WDR7: variants seen among roughly 807,000 people sequenced by gnomAD.
WDR7 encodes WD repeat-containing protein 7.
A neutral mutation model predicts 169.4 loss-of-function variants in WDR7; 46 were observed. The observed-to-expected ratio is 0.27, with a 90% CI of 0.21 to 0.35. The LOEUF is 0.35. WDR7 is among the 10% of genes least tolerant of loss of function. WDR7 has a pLI of 1.00. For synonymous variants in WDR7, 612 were observed against 666.8 expected, an observed-to-expected ratio of 0.92 and a Z score of 1.27; for missense variants, 1,534 against 1,859.3, an observed-to-expected ratio of 0.83 and a Z score of 3.22.
At chr18:56,883,826 G>A (rs1240589516) in intron 21 of WDR7, among the ~76,000 whole-genome samples, 4 of 152,094 alleles carry the variant, frequency 2.6e-5, no homozygotes. Flanking sequence ...CCAGATTTCT[G>A]TAAATGCCAA....
intron 7 of WDR7, among the ~76,000 whole-genome samples, chr18:56,689,658 AC>A (rs531118782): frequency 6.6e-6 from 1 of 151,092 alleles, no homozygotes; most frequent in Admixed American, 6.6e-5. Context: ...TGTCAGATGG[AC>A]CCCCCCAGTT....
Position 56,731,573 on chromosome 18 carries a change from C to A in WDR7, c.1965C>A (p.Leu655=), listed in dbSNP as rs756721684. The change falls in exon 14 of 28, where the codon CTC becomes CTA. Residue 655 remains leucine, a synonymous_variant. Coordinates refer to ENST00000254442, the MANE Select transcript of WDR7 (RefSeq NM_015285.3). The part of the protein sequence containing the change: ...HHKLQTLATN[L]LASEASDKGN... Reference sequence around the variant, plus strand: ...AGCTACAAACCCTTGCAACTAACCTCTTGGCTTCTGAGGCATCTGACAAGG... The same window carrying A: ...AGCTACAAACCCTTGCAACTAACCTATTGGCTTCTGAGGCATCTGACAAGG... 7 of 1,613,988 alleles carry A rather than the reference C, an allele frequency of 4.3e-6. No individual in the cohort carries two copies. In the South Asian group the frequency reaches 7.7e-5, roughly 18 times the overall value.
At chr18:57,022,558 T>C (rs2048307191) in intron 27 of WDR7, among the ~76,000 whole-genome samples, 1 of 152,352 alleles carries the variant, frequency 6.6e-6, no homozygotes, top group Middle Eastern at 3.4e-3. Context: ...AAGAAATACC[T>C]CACATATTAG....
intron 26 of WDR7, among the ~76,000 whole-genome samples, chr18:57,017,466 T>C (rs528498149): frequency 6.9e-6 from 1 of 144,272 alleles, no homozygotes; most frequent in East Asian, 2.1e-4. Context: ...GCTGTTCTTA[T>C]CCAAGTCATG....
At chr18:56,680,574 C>G (rs2025333364) in intron 3 of WDR7, among the ~76,000 whole-genome samples, 1 of 152,126 alleles carries the variant, frequency 6.6e-6, no homozygotes, top group South Asian at 2.1e-4. Context: ...TTAAAGAAAA[C>G]TCTAATAATA....
rs950004369 is a variant in WDR7 at position 56,697,386 on chromosome 18, G to A, written c.1578+924G>A. On this transcript the variant is annotated intron_variant, in intron 12 of 27. Coordinates refer to ENST00000254442, the MANE Select transcript of WDR7 (RefSeq NM_015285.3). ...ATTTTATCAACCATGTTCTGCCAGTGCTAGATTTTGTTTGATTTGATATTG... is the reference window on the plus strand; with the variant it reads ...ATTTTATCAACCATGTTCTGCCAGTACTAGATTTTGTTTGATTTGATATTG... Among the ~76,000 whole-genome samples, 3 of 152,272 alleles carry A rather than the reference G, an allele frequency of 2.0e-5. No homozygotes were observed. The East Asian group carries it at 5.8e-4, about 29-fold the overall frequency.
At chr18:56,765,986 A>G (rs972228754) in intron 16 of WDR7, among the ~76,000 whole-genome samples, 1 of 148,322 alleles carries the variant, frequency 6.7e-6, no homozygotes, top group Non-Finnish European at 1.5e-5. Context: ...GTTTTTGTAC[A>G]TTTGAAAACA....
At chr18:56,798,671 T>G (rs892268929) in intron 19 of WDR7, among the ~76,000 whole-genome samples, 10 of 152,230 alleles carry the variant, frequency 6.6e-5, no homozygotes, top group African/African-American at 2.4e-4. Context: ...CTATGTTATT[T>G]ATGTAAAATT....
intron 12 of WDR7, among the ~76,000 whole-genome samples, chr18:56,701,278 CAT>C (rs952400111): frequency 2.6e-5 from 4 of 152,186 alleles, no homozygotes; most frequent in African/African-American, 9.7e-5. Flanking sequence ...TGACTAACTA[CAT>C]ATTGACTTCT....
In WDR7 at chr18:56,962,485, C is replaced by T; in HGVS notation, c.4120C>T (p.His1374Tyr). ...RNHRIAVGAR[H>Y]GSVALYDIRT... Reference sequence around the variant, plus strand: ...TCACAGAATAGCAGTTGGAGCTCGCCATGGTTCAGTGGCCCTGTACGACAT... The same window carrying T: ...TCACAGAATAGCAGTTGGAGCTCGCTATGGTTCAGTGGCCCTGTACGACAT... Residue 1374 changes from histidine to tyrosine, a missense_variant, in exon 26 of 28, where the codon CAT (histidine) becomes TAT (tyrosine). His to Tyr is a moderately conservative substitution (Grantham distance 83). Transcript: ENST00000254442. 6.2e-7 allele frequency: 1 copy of T among 1,612,992 alleles called. No homozygotes were observed. Among genetic ancestry groups the T allele is most frequent in the Non-Finnish European group, 8.5e-7 (1 of 1,179,314 alleles).
At chr18:56,955,476 A>G (rs924545278) in intron 25 of WDR7, among the ~76,000 whole-genome samples, 13 of 152,322 alleles carry the variant, frequency 8.5e-5, no homozygotes, top group Admixed American at 3.9e-4. Context: ...TGCAATTATT[A>G]TCAGGTTTAT....
chr18:56,876,358 C>T (rs956649001), intron 20 of WDR7, among the ~76,000 whole-genome samples: 1 of 152,074 alleles, frequency 6.6e-6, no homozygotes, highest in Admixed American at 6.5e-5. Context: ...TCCGGGAGTT[C>T]ACTTTTTTAA....
chr18:56,869,787 A>G (rs922074110), intron 20 of WDR7, among the ~76,000 whole-genome samples: 9 of 152,216 alleles, frequency 5.9e-5, no homozygotes, highest in African/African-American at 1.7e-4. Context: ...CCATACAACC[A>G]TGTACAATTT....
intron 26 of WDR7, among the ~76,000 whole-genome samples, chr18:57,016,048 A>G (rs1319382961): frequency 1.3e-5 from 2 of 152,162 alleles, no homozygotes; most frequent in African/African-American, 4.8e-5. Flanking sequence ...AGGTGAAGGC[A>G]TAATTGTGTT....
chr18:56,819,474 T>C (rs2045046616), intron 20 of WDR7, among the ~76,000 whole-genome samples: 1 of 152,208 alleles, frequency 6.6e-6, no homozygotes, highest in South Asian at 2.1e-4. Flanking sequence ...ATACTCAGTT[T>C]TACTTAGCGT....
At chr18:56,663,463 A>G (rs184731833) in intron 1 of WDR7, among the ~76,000 whole-genome samples, 42 of 152,304 alleles carry the variant, frequency 2.8e-4, no homozygotes, top group Admixed American at 2.5e-3. Flanking sequence ...TTTATGAAGG[A>G]GAATGCCCTT....
At chr18:57,019,969 G>T (rs1254103658) in intron 26 of WDR7, among the ~76,000 whole-genome samples, 2 of 152,174 alleles carry the variant, frequency 1.3e-5, no homozygotes, top group African/African-American at 4.8e-5. Flanking sequence ...ATGCTAATTT[G>T]CTTAGTATCC....
At chr18:56,820,359 A>AAAAAAAAAAAAAAAAAAAAC (rs1044771844) in intron 20 of WDR7, among the ~76,000 whole-genome samples, 20 of 127,500 alleles carry the variant, frequency 1.6e-4, no homozygotes, top group African/African-American at 4.6e-4. Flanking sequence ...AAAAAAAAAA[A>AAAAAAAAAAAAAAAAAAAAC]AAAAACCACC....
intron 16 of WDR7, among the ~76,000 whole-genome samples, chr18:56,763,511 G>A (rs1277102503): frequency 6.6e-6 from 1 of 152,124 alleles, no homozygotes; most frequent in Admixed American, 6.5e-5. Context: ...TTTGTTAAGG[G>A]TGTTCATGTG....
Sources: allele counts gnomAD v4.1 joint callset (sites outside exome capture counted in the v4.1 genomes callset), GRCh38; gene constraint gnomAD v4.1.1; transcripts MANE v1.5; gene names NCBI Gene and HGNC (gene_info 2026-07-23, HGNC 2026-07-21).